The following C12orf54 variants were observed in gnomAD, a reference collection of about 807,000 sequenced individuals.
C12orf54 encodes uncharacterized protein C12orf54.
In C12orf54, 24 loss-of-function variants were observed where a neutral mutation model predicts 26.4. The observed-to-expected ratio is 0.91, with a 90% CI of 0.66 to 1.28. The LOEUF (loss-of-function observed/expected upper bound fraction) is 1.28, where lower values mean the gene tolerates loss of function less well. C12orf54 is among the 50% of genes most tolerant of loss of function. C12orf54 has a pLI of 0.00. For missense variants in C12orf54, 154 were observed against 150.9 expected, an observed-to-expected ratio of 1.02 and a Z score of -0.11; for synonymous variants, 54 against 47.0, an observed-to-expected ratio of 1.15 and a Z score of -0.61.
At chr12:48,421,529 T>C in the C12orf54 span, among the ~76,000 whole-genome samples, 1 of 139,854 alleles carries the variant, frequency 7.2e-6, no homozygotes, top group Non-Finnish European at 1.6e-5. Context: ...TTTTTTTTTT[T>C]TTTTTTTTTT....
chr12:48,452,693 G>C, the C12orf54 span, among the ~76,000 whole-genome samples: 17 of 152,154 alleles, frequency 1.1e-4, no homozygotes, highest in Admixed American at 1.0e-3. Flanking sequence ...GTGGGCAAAA[G>C]ACATGAACAA....
At chr12:48,473,388 G>A in the C12orf54 span, 1 of 917,392 alleles carries the variant, frequency 1.1e-6, no homozygotes, top group Non-Finnish European at 1.7e-6. Flanking sequence ...ATAAGAAACT[G>A]AAGATGAGGG....
chr12:48,465,499 G>A, the C12orf54 span, among the ~76,000 whole-genome samples: 1 of 152,144 alleles, frequency 6.6e-6, no homozygotes, highest in Non-Finnish European at 1.5e-5. Flanking sequence ...CTGGAAGAAA[G>A]TGTGGCAATT....
chr12:48,481,108 T>C (rs4551813), upstream of C12orf54, among the ~76,000 whole-genome samples: 22,460 of 152,130 alleles, frequency 0.15, 2,889 homozygotes, highest in East Asian at 0.66. Context: ...GCTCACTGTC[T>C]GGGTGACAGG....
the C12orf54 span, among the ~76,000 whole-genome samples, chr12:48,434,377 A>T: frequency 6.6e-6 from 1 of 152,154 alleles, no homozygotes; most frequent in Non-Finnish European, 1.5e-5. Flanking sequence ...ACCTCTGCAG[A>T]CTTAAATGTC....
chr12:48,491,751 G>A (rs971180459), intron 6 of C12orf54, among the ~76,000 whole-genome samples: 6 of 152,158 alleles, frequency 3.9e-5, no homozygotes, highest in South Asian at 2.1e-4. Context: ...TAGAATTATA[G>A]CAGAAAAGCC....
At position 48,488,972 on chromosome 12, in the gene C12orf54, G is replaced by T; in HGVS notation, c.168+16G>T. On this transcript the variant is annotated intron_variant, in intron 5 of 8. Transcript: ENST00000548364. ...ACAAAAGGAGGTGAGATTAGATTTT[G>T]ATTCTCTGAATTCCCCAGCCCCATC... 1 of 1,610,740 alleles carries T rather than the reference G, an allele frequency of 6.2e-7. No individual in the cohort carries two copies. Among genetic ancestry groups the T allele is most frequent in the Non-Finnish European group, 8.5e-7 (1 of 1,177,672 alleles).
At chr12:48,441,795 C>A in the C12orf54 span, among the ~76,000 whole-genome samples, 5 of 152,170 alleles carry the variant, frequency 3.3e-5, no homozygotes, top group Non-Finnish European at 7.3e-5. Context: ...GAACTGGTAT[C>A]ATCCCAAGAA....
the C12orf54 span, among the ~76,000 whole-genome samples, chr12:48,417,498 T>C: frequency 6.6e-6 from 1 of 152,206 alleles, no homozygotes; most frequent in African/African-American, 2.4e-5. Context: ...TAGACACAAT[T>C]AACATCTTTG....
the C12orf54 span, among the ~76,000 whole-genome samples, chr12:48,467,026 C>T: frequency 6.6e-6 from 1 of 152,018 alleles, no homozygotes; most frequent in Non-Finnish European, 1.5e-5. Context: ...CACTCAGAAC[C>T]TGTAAATGTG....
chr12:48,447,257 C>T, the C12orf54 span, among the ~76,000 whole-genome samples: 1 of 122,426 alleles, frequency 8.2e-6, no homozygotes, highest in East Asian at 2.9e-4. Context: ...TGTGTCCCCA[C>T]CCCATGATGA....
the C12orf54 span, among the ~76,000 whole-genome samples, chr12:48,447,382 T>C: frequency 6.6e-6 from 1 of 152,158 alleles, no homozygotes; most frequent in South Asian, 2.1e-4. Flanking sequence ...CACTAGACTA[T>C]GGTGTTTTGC....
upstream of C12orf54, among the ~76,000 whole-genome samples, chr12:48,480,988 T>C (rs1954192614): frequency 6.6e-6 from 1 of 152,110 alleles, no homozygotes; most frequent in Non-Finnish European, 1.5e-5. Flanking sequence ...TACCACATGT[T>C]CTCACCTGTA....
At chr12:48,469,876 ATC>A in the C12orf54 span, among the ~76,000 whole-genome samples, 1 of 152,124 alleles carries the variant, frequency 6.6e-6, no homozygotes, top group African/African-American at 2.4e-5. Flanking sequence ...TGTCCCCAAC[ATC>A]TGTCATTCCC....
chr12:48,475,747 G>A, the C12orf54 span, among the ~76,000 whole-genome samples: 1 of 152,196 alleles, frequency 6.6e-6, no homozygotes, highest in Non-Finnish European at 1.5e-5. Context: ...GGGACTATGT[G>A]AAAAGACGAA....
chr12:48,462,652 A>C, the C12orf54 span, among the ~76,000 whole-genome samples: 41 of 151,884 alleles, frequency 2.7e-4, no homozygotes, highest in African/African-American at 9.6e-4. Flanking sequence ...GTACAGAAAA[A>C]GCATTTGACA....
chr12:48,488,868 TG>T, intron 4 of C12orf54, 55 bp from the exon 5 acceptor site: 1 of 1,423,870 alleles, frequency 7.0e-7, no homozygotes, highest in South Asian at 1.2e-5. Context: ...GAAATCCCTC[TG>T]TAATAAAGTG....
Position 48,488,243 on chromosome 12 carries a change from G to A in C12orf54, c.136-681G>A. The A allele has an allele frequency of 6.1e-6, 4 of 656,950 alleles. No homozygotes were observed. The South Asian group carries it at 6.1e-5, about 10-fold the overall frequency. 40.7% of individuals were successfully genotyped at this position (656,950 alleles called of 1,614,324 possible). A position where few individuals can be genotyped will look rare whatever the true frequency, so the allele number is the denominator to read the frequency against. ...TCACTCTATGCCGCAGCCATCCAGA[G>A]ACTGGCAGGCCTCGGCCTAAAGGTC... On this transcript the variant is annotated intron_variant, in intron 4 of 8. Transcript: ENST00000548364.
chr12:48,475,401 C>G, the C12orf54 span, among the ~76,000 whole-genome samples: 1 of 152,158 alleles, frequency 6.6e-6, no homozygotes, highest in Non-Finnish European at 1.5e-5. Flanking sequence ...TGGAGAATGA[C>G]TTTGACGAGT....
Sources: allele counts gnomAD v4.1 joint callset (sites outside exome capture counted in the v4.1 genomes callset), GRCh38; gene constraint gnomAD v4.1.1; transcripts MANE v1.5; gene names NCBI Gene and HGNC (gene_info 2026-07-23, HGNC 2026-07-21).